FRMD5: variants seen among roughly 807,000 people sequenced by gnomAD.
The protein encoded by FRMD5 is FERM domain-containing protein 5.
A neutral mutation model predicts 69.0 loss-of-function variants in FRMD5; 20 were observed. The ratio of observed to expected loss-of-function variants is 0.29; its 90% CI spans 0.20 to 0.42. FRMD5 has a LOEUF of 0.42. Among genes scored for constraint, FRMD5 ranks in the 10% least tolerant of loss-of-function variants. The probability of loss-of-function intolerance (pLI) is 1.00; values close to 1 mark genes in which losing one functional copy is unlikely to be tolerated. For synonymous variants in FRMD5, 271 were observed against 260.1 expected (o/e 1.04, Z -0.40); for missense variants, 595 against 708.6 (o/e 0.84, Z 1.82).
At chr15:43,894,448 T>C (rs1431266532) in intron 7 of FRMD5, among the ~76,000 whole-genome samples, 4 of 151,790 alleles carry the variant, frequency 2.6e-5, no homozygotes, top group Non-Finnish European at 5.9e-5. Flanking sequence ...GTGGGGTGGG[T>C]CAGAGGGGCC....
chr15:44,005,678 T>C (rs1890412985), intron 1 of FRMD5, among the ~76,000 whole-genome samples: 2 of 150,020 alleles, frequency 1.3e-5, no homozygotes, highest in South Asian at 4.3e-4. Flanking sequence ...AGGAAAAGAG[T>C]GAGGGGAAGG....
At chr15:44,162,015 A>C (rs577975948) in intron 1 of FRMD5, among the ~76,000 whole-genome samples, 27 of 152,184 alleles carry the variant, frequency 1.8e-4, no homozygotes, top group African/African-American at 5.8e-4. Flanking sequence ...CCTAGGCTGG[A>C]GTACAATGGC....
intron 5 of FRMD5, 28 bp from the exon 6 acceptor site, chr15:43,905,979 A>G (rs767245495): frequency 1.2e-5 from 20 of 1,613,932 alleles, no homozygotes; most frequent in Middle Eastern, 1.6e-4. Flanking sequence ...GAAGAAAACA[A>G]TTGTGGAGAC....
At chr15:44,016,973 T>C (rs763846125) in intron 1 of FRMD5, among the ~76,000 whole-genome samples, 8 of 152,016 alleles carry the variant, frequency 5.3e-5, no homozygotes, top group Non-Finnish European at 8.8e-5. Flanking sequence ...GTTTTTACCA[T>C]GTTGCAGGCT....
At chr15:43,921,325 A>C (rs1010176273) in intron 2 of FRMD5, among the ~76,000 whole-genome samples, 68 of 152,370 alleles carry the variant, frequency 4.5e-4, no homozygotes, top group Admixed American at 4.0e-3. Flanking sequence ...ATTAAAAGAA[A>C]TAAACAAAGG....
chr15:44,155,868 T>G (rs2077519657), intron 1 of FRMD5, among the ~76,000 whole-genome samples: 1 of 152,060 alleles, frequency 6.6e-6, no homozygotes, highest in African/African-American at 2.4e-5. Context: ...GTGCTGGGAT[T>G]ACAGGTGTGA....
chr15:43,959,120 G>C (rs915071357), intron 1 of FRMD5, among the ~76,000 whole-genome samples: 1 of 152,184 alleles, frequency 6.6e-6, no homozygotes, highest in Non-Finnish European at 1.5e-5. Context: ...AATTATTTAA[G>C]AAGTCTCTCT....
chr15:43,874,365 ATCTG>A lies in FRMD5; in HGVS notation c.1229_1232del (p.Thr410IlefsTer6). ...CAATCACAGCTACTCGCTCATTGCT[ATCTG>A]TCCGGCTGCTTCTCACGTGAGGCAG... On this transcript the variant is annotated frameshift_variant, in exon 14 of 14. Coordinates refer to ENST00000417257, the MANE Select transcript of FRMD5 (RefSeq NM_032892.5). LOFTEE classifies it high-confidence loss of function. 1 of 1,614,214 alleles carries A rather than the reference ATCTG, an allele frequency of 6.2e-7. No individual in the cohort carries two copies. Among genetic ancestry groups the A allele is most frequent in the Non-Finnish European group, 8.5e-7 (1 of 1,180,044 alleles).
intron 1 of FRMD5, among the ~76,000 whole-genome samples, chr15:44,095,997 G>A (rs1385251244): frequency 1.3e-5 from 2 of 151,888 alleles, no homozygotes; most frequent in Non-Finnish European, 2.9e-5. Context: ...ACTTGAGGTC[G>A]GGAGATTGAG....
In FRMD5 at chr15:44,028,575, C is replaced by T. The variant is rs111930815; in HGVS notation, c.103-104266G>A. On this transcript the variant is annotated intron_variant, in intron 1 of 13. Coordinates refer to ENST00000417257, the MANE Select transcript of FRMD5 (RefSeq NM_032892.5). Reference sequence around the variant, plus strand: ...GTGTCTGAGGTTCAGGTTTCCTGAGCCCCCATAGTTCCCATAAGGCACAGA... The same window carrying T: ...GTGTCTGAGGTTCAGGTTTCCTGAGTCCCCATAGTTCCCATAAGGCACAGA... 7.5e-3 allele frequency among the ~76,000 whole-genome samples: 1,139 copies of T among 152,212 alleles called. 20 individuals are homozygous for T. Among genetic ancestry groups the T allele is most frequent in the African/African-American group, 0.026 (1,089 of 41,516 alleles).
At chr15:43,976,634 A>T (rs1056949232) in intron 1 of FRMD5, among the ~76,000 whole-genome samples, 3 of 152,128 alleles carry the variant, frequency 2.0e-5, no homozygotes, top group Non-Finnish European at 4.4e-5. Flanking sequence ...TGAGACCCTG[A>T]TTGCTTACAA....
intron 1 of FRMD5, among the ~76,000 whole-genome samples, chr15:44,029,371 C>T (rs1427087388): frequency 6.6e-6 from 1 of 151,636 alleles, no homozygotes; most frequent in Admixed American, 6.6e-5. Context: ...TTCGACCTTG[C>T]AGTCACAATA....
intron 1 of FRMD5, among the ~76,000 whole-genome samples, chr15:43,992,574 C>T (rs1338821011): frequency 6.6e-6 from 1 of 152,102 alleles, no homozygotes; most frequent in Non-Finnish European, 1.5e-5. Context: ...GACAGGGTTT[C>T]ACCACATTGG....
chr15:44,027,075 G>A (rs1891460721), intron 1 of FRMD5, among the ~76,000 whole-genome samples: 1 of 152,148 alleles, frequency 6.6e-6, no homozygotes, highest in South Asian at 2.1e-4. Context: ...AAGACAGAAA[G>A]GATCCCATGG....
At chr15:43,884,092 A>G (rs1207834453) in intron 12 of FRMD5, among the ~76,000 whole-genome samples, 2 of 152,068 alleles carry the variant, frequency 1.3e-5, no homozygotes, top group Non-Finnish European at 2.9e-5. Flanking sequence ...AGACTGTCAG[A>G]GAGTAGAGCC....
Position 43,874,404 on chromosome 15 carries a change from C to T in FRMD5, c.1194G>A (p.Gly398=). 3 of 1,614,200 alleles carry T rather than the reference C, an allele frequency of 1.9e-6. No homozygotes were observed. The highest frequency in any genetic ancestry group is 1.7e-6 in the Non-Finnish European group (2 of 1,180,040). ...HSTPVRSTSH[G]DTFLPHVRSS... is the part of the protein sequence containing the mutation. Reference sequence around the variant, plus strand: ...TTCTCACGTGAGGCAGGAAGGTGTCCCCATGGGAAGTGGAACGCACTGGTG... The same window carrying T: ...TTCTCACGTGAGGCAGGAAGGTGTCTCCATGGGAAGTGGAACGCACTGGTG... Residue 398 remains glycine, a synonymous_variant, in exon 14 of 14, where the codon GGG becomes GGA. Transcript: ENST00000417257.
chr15:44,132,667 G>A lies in FRMD5; in HGVS notation c.102+62286C>T, dbSNP rs559281863. Among the ~76,000 whole-genome samples, 93 of 152,148 alleles carry A rather than the reference G, an allele frequency of 6.1e-4. No homozygotes were observed. In the South Asian group the frequency reaches 0.018, roughly 29 times the overall value. The stretch of plus-strand genomic sequence containing the variant: ...TGGTCTCAAACTGCTGGACTCAAGC[G>A]ATCCTCCAGCCTCAGCCTCCCAAAG... On this transcript the variant is annotated intron_variant, in intron 1 of 13. Coordinates refer to ENST00000417257, the MANE Select transcript of FRMD5 (RefSeq NM_032892.5).
chr15:44,076,153 T>C (rs185245508), intron 1 of FRMD5, among the ~76,000 whole-genome samples: 1 of 152,034 alleles, frequency 6.6e-6, no homozygotes, highest in Admixed American at 6.6e-5. Context: ...GGAGAAATAG[T>C]AACACTTTTA....
In FRMD5 at chr15:43,882,715, G is replaced by A. The variant is rs547295725; in HGVS notation, c.1135+988C>T. The stretch of plus-strand genomic sequence containing the variant: ...TGGTGGCAGCTACTAGAAATGCTTC[G>A]GAACCAAGAAGTGAAAATTCTTGGT... On this transcript the variant is annotated intron_variant, in intron 13 of 13. Transcript: ENST00000417257. Among the ~76,000 whole-genome samples, 154 of 152,118 alleles carry A rather than the reference G, an allele frequency of 1.0e-3. 2 individuals carry two copies. In the South Asian group the frequency reaches 0.029, roughly 29 times the overall value.
Sources: gnomAD v4.1 joint callset for allele counts (sites outside exome capture counted in the v4.1 genomes callset) on GRCh38, gnomAD v4.1.1 for gene constraint, MANE v1.5 for transcripts, NCBI Gene and HGNC (gene_info 2026-07-23, HGNC 2026-07-21) for gene names.